The following DNHD1 variants were observed in gnomAD, a reference collection of about 807,000 sequenced individuals.
DNHD1 encodes dynein heavy chain domain 1, also known as dynein heavy chain domain-containing protein 1.
In DNHD1, 383 loss-of-function variants were observed where a neutral mutation model predicts 458.1. The ratio of observed to expected loss-of-function variants is 0.84; its 90% confidence interval spans 0.77 to 0.91. The LOEUF (loss-of-function observed/expected upper bound fraction) is 0.91, where lower values mean the gene tolerates loss of function less well. DNHD1 is among the 40% of genes least tolerant of loss of function. The probability of loss-of-function intolerance (pLI) is 0.00; values close to 1 mark genes in which losing one functional copy is unlikely to be tolerated. For synonymous variants in DNHD1, 2,203 were observed against 2,376.9 expected (o/e 0.93, Z 2.13); for missense variants, 5,336 against 5,866.1 (o/e 0.91, Z 2.95).
chr11:6,564,247 AC>A, intron 31 of DNHD1, 85 bp from the exon 32 acceptor site: 1 of 1,448,310 alleles, frequency 6.9e-7, no homozygotes. Flanking sequence ...TTTCCTCCAC[AC>A]CCCACCTTGC....
intron 7 of DNHD1, 76 bp downstream of exon 7, chr11:6,511,505 GTTT>G: frequency 6.4e-7 from 1 of 1,556,342 alleles, no homozygotes; most frequent in Non-Finnish European, 8.7e-7. Flanking sequence ...TCTTAGTTAA[GTTT>G]CTCCTGGAAT....
chr11:6,559,803 A>G (rs12270128), intron 28 of DNHD1, among the ~76,000 whole-genome samples: 9,884 of 152,278 alleles, frequency 0.065, 710 homozygotes, highest in African/African-American at 0.18. Flanking sequence ...ATACTAGACA[A>G]GAGTGTCCTG....
intron 24 of DNHD1, among the ~76,000 whole-genome samples, chr11:6,555,832 G>A (rs936918431): frequency 3.3e-5 from 5 of 152,154 alleles, no homozygotes; most frequent in Admixed American, 3.3e-4. Flanking sequence ...GGAGCATGAG[G>A]AACTTTCTAG....
chr11:6,544,450 C>A, intron 19 of DNHD1, 124 bp from the exon 20 acceptor site: 1 of 1,016,008 alleles, frequency 9.8e-7, no homozygotes, highest in Non-Finnish European at 1.4e-6. Context: ...TCCCTGAGTC[C>A]TGCTGGGCAG....
At chr11:6,511,489 G>T (rs1434322802) in intron 7 of DNHD1, 60 bp downstream of exon 7, 8 of 1,585,318 alleles carry the variant, frequency 5.0e-6, no homozygotes, top group South Asian at 2.3e-5. Context: ...CAGAGTTTCA[G>T]CCTCCTCTTA....
rs1392627896 is a variant in DNHD1, at chr11:6,498,025, C to G, written c.-191C>G. Reference sequence around the variant, plus strand: ...CTGTAGCTCCATCTATTTCCCTGTCCCAGGTCCTTTCTTCCTCCTAACCCC... The same window carrying G: ...CTGTAGCTCCATCTATTTCCCTGTCGCAGGTCCTTTCTTCCTCCTAACCCC... On this transcript the variant is annotated 5_prime_UTR_variant, in exon 3 of 43. Transcript: ENST00000254579. 6.8e-6 allele frequency: 5 copies of G among 733,914 alleles called. No individual in the cohort carries two copies. The highest frequency in any genetic ancestry group is 1.1e-5 in the Non-Finnish European group (5 of 438,788). The allele number at this position is 733,914 out of a possible 1,614,324, so 45.5% of individuals were successfully genotyped here.
At position 6,563,686 on chromosome 11, in the gene DNHD1, C is replaced by G; in HGVS notation, c.9853-7C>G. The G allele has an allele frequency of 1.3e-6, 2 of 1,543,906 alleles. No individual in the cohort carries two copies. Among genetic ancestry groups the G allele is most frequent in the Non-Finnish European group, 8.7e-7 (1 of 1,143,634 alleles). On this transcript the variant is annotated splice_region_variant and splice_polypyrimidine_tract_variant and intron_variant, in intron 30 of 42. Coordinates refer to ENST00000254579, the MANE Select transcript of DNHD1 (RefSeq NM_144666.3). Reference sequence around the variant, plus strand: ...CTTCCCCATCCCGTTAACATACATCCTTCCAGGAGCTGGTGTTCTTCCCCA... The same window carrying G: ...CTTCCCCATCCCGTTAACATACATCGTTCCAGGAGCTGGTGTTCTTCCCCA...
At chr11:6,528,374 A>G (rs886376430) in intron 10 of DNHD1, 148 bp from the exon 11 acceptor site, 1 of 937,742 alleles carries the variant, frequency 1.1e-6, no homozygotes. Context: ...ATATAGATGT[A>G]TGTGTTAACT....
Position 6,528,482 on chromosome 11 carries a change from G to T in DNHD1, c.1838-40G>T, listed in dbSNP as rs375898644. The T allele has an allele frequency of 5.2e-5, 80 of 1,525,170 alleles. 1 individual carries two copies. In the Middle Eastern group the frequency reaches 1.0e-3, roughly 19 times the overall value. The allele number at this position is 1,525,170 out of a possible 1,614,324, so 94.5% of individuals were successfully genotyped here. A position where few individuals can be genotyped will look rare whatever the true frequency, so the allele number is the denominator to read the frequency against. On this transcript the variant is annotated intron_variant, in intron 10 of 42. Coordinates refer to ENST00000254579, the MANE Select transcript of DNHD1 (RefSeq NM_144666.3). Reference sequence around the variant, plus strand: ...GAAAGGAAGATTGTTTGTGGGCTCTGGAGGGTACTCACGGACAATTATGGC... The same window carrying T: ...GAAAGGAAGATTGTTTGTGGGCTCTTGAGGGTACTCACGGACAATTATGGC...
rs759576231 is a variant in DNHD1, at chr11:6,566,324, C to A, written c.11137C>A (p.Pro3713Thr). The A allele has an allele frequency of 2.0e-5, 31 of 1,552,668 alleles. No individual in the cohort carries two copies. The highest frequency in any genetic ancestry group is 6.1e-6 in the Non-Finnish European group (7 of 1,147,682). The change falls in exon 34 of 43, where the codon CCA becomes ACA. Residue 3713 changes from proline to threonine, a missense_variant. By Grantham distance (38) the Pro-to-Thr change is conservative (BLOSUM62 -1). This residue lies in a region of DNHD1 where 695 missense variants were observed against 804.2 expected (regional missense o/e 0.86). Transcript: ENST00000254579. ...QWLLQREQLSPPQVQPGFCLY... is the reference protein window; with the variant it reads ...QWLLQREQLSTPQVQPGFCLY... ...GCTGCTGCAACGGGAGCAGCTGAGT[C>A]CACCCCAGGTGCAGCCTGGCTTCTG...
intron 28 of DNHD1, among the ~76,000 whole-genome samples, chr11:6,559,903 GT>G: frequency 6.6e-6 from 1 of 152,232 alleles, no homozygotes; most frequent in African/African-American, 2.4e-5. Flanking sequence ...GCTCTACAAT[GT>G]TTTTGAGCCG....
Position 6,534,136 on chromosome 11 carries a change from C to T in DNHD1, c.2961C>T (p.Asp987=). The T allele has an allele frequency of 6.4e-7, 1 of 1,551,296 alleles. No individual in the cohort carries two copies. The highest frequency in any genetic ancestry group is 1.2e-5 in the South Asian group (1 of 84,050). Residue 987 remains aspartate, a synonymous_variant, in exon 14 of 43, where the codon GAC becomes GAT. Transcript: ENST00000254579. The part of the protein sequence containing the change: ...LERQFQNTVS[D]LSELHHAYAI... ...GTCAGTTCCAGAACACAGTCAGCGA[C>T]CTCAGTGAACTGCACCACGCCTATG...
In DNHD1 at chr11:6,563,222, T is replaced by G; in HGVS notation, c.9669+91T>G. The G allele has an allele frequency of 1.3e-6, 2 of 1,539,024 alleles. 1 individual carries two copies. Among genetic ancestry groups the G allele is most frequent in the South Asian group, 2.4e-5 (2 of 83,340 alleles). On this transcript the variant is annotated intron_variant, in intron 29 of 42. Transcript: ENST00000254579. ...TACCAAGAGGAGAGGATGGAGTGACTCATCATGGAATCTCCTGGGGGGAGG... is the reference window on the plus strand; with the variant it reads ...TACCAAGAGGAGAGGATGGAGTGACGCATCATGGAATCTCCTGGGGGGAGG...
In DNHD1 at chr11:6,564,649, C is replaced by T. The variant is rs1266079299; in HGVS notation, c.10601C>T (p.Ala3534Val). The T allele has an allele frequency of 6.4e-7, 1 of 1,551,596 alleles. No homozygotes were observed. Among genetic ancestry groups the T allele is most frequent in the Non-Finnish European group, 8.7e-7 (1 of 1,147,000 alleles). Residue 3534 changes from alanine (A) to valine (V), a missense_variant, in exon 32 of 43, where the codon GCC becomes GTC. Ala to Val is a moderately conservative substitution (Grantham distance 64). Around this residue, in one of 4 missense-constraint regions of DNHD1, gnomAD observed 3,932 missense variants for 4,365.6 expected, o/e 0.90. Coordinates refer to ENST00000254579, the MANE Select transcript of DNHD1 (RefSeq NM_144666.3). ...DGNLKPQAKS[A>V]HLAGLLLRSP... ...AACCTGAAGCCACAGGCAAAGTCGG[C>T]CCACCTGGCAGGCTTGCTTCTGCGA...
rs146426816 is a variant in DNHD1, at chr11:6,498,310, A to G, written c.95A>G (p.Lys32Arg). ...CACTCCATATGTGTCTTGGACAGCA[A>G]AGAACAGCCCTTGGCCTGCCAGCAG... ...SWHSICVLDS[K>R]EQPLACQQKQ... The change falls in exon 3 of 43, where the codon AAA becomes AGA. Residue 32 changes from lysine to arginine, a missense_variant. Coordinates refer to ENST00000254579, the MANE Select transcript of DNHD1 (RefSeq NM_144666.3). 3.6e-5 allele frequency: 58 copies of G among 1,614,220 alleles called. No individual in the cohort carries two copies. The African/African-American group carries it at 6.1e-4, about 17-fold the overall frequency.
rs1432756004 is a variant in DNHD1, at chr11:6,566,377, C to T, written c.11190C>T (p.Leu3730=). The change falls in exon 34 of 43, where the codon CTC becomes CTT. Residue 3730 remains leucine, a synonymous_variant. Transcript: ENST00000254579. Reference sequence around the variant, plus strand: ...TGTATCTCAGCACCACCCTCTCCCTCTGTGCCATGGAAAAAGGTGAGGCCC... The same window carrying T: ...TGTATCTCAGCACCACCCTCTCCCTTTGTGCCATGGAAAAAGGTGAGGCCC... ...FCLYLSTTLS[L]CAMEKVLGCE... 2 of 1,558,820 alleles carry T rather than the reference C, an allele frequency of 1.3e-6. No individual in the cohort carries two copies. Among genetic ancestry groups the T allele is most frequent in the East Asian group, 4.8e-5 (2 of 41,372 alleles).
At chr11:6,570,515 T>C (rs1853820002) in intron 41 of DNHD1, 103 bp from the exon 42 acceptor site, 1 of 1,480,174 alleles carries the variant, frequency 6.8e-7, no homozygotes, top group African/African-American at 1.4e-5. Flanking sequence ...ATTCATACTG[T>C]TATGGGGGTG....
chr11:6,520,863 A>T, intron 10 of DNHD1: 1 of 987,862 alleles, frequency 1.0e-6, no homozygotes, highest in Non-Finnish European at 1.2e-6. Context: ...AAATGCAATC[A>T]GTCACATCTG....
Position 6,548,599 on chromosome 11 carries a change from G to A in DNHD1, c.7099-46G>A. On this transcript the variant is annotated intron_variant, in intron 23 of 42. Coordinates refer to ENST00000254579, the MANE Select transcript of DNHD1 (RefSeq NM_144666.3). This position sits in a 1 kb window ranked among gnomAD's most constrained non-coding sequence, Gnocchi z 4.4. Reference sequence around the variant, plus strand: ...GACTTTTATTTTCAGCTAGATTACTGTCTTATACTGGAGGTGCTGCAGTAA... The same window carrying A: ...GACTTTTATTTTCAGCTAGATTACTATCTTATACTGGAGGTGCTGCAGTAA... 1 of 1,547,192 alleles carries A rather than the reference G, an allele frequency of 6.5e-7. No homozygotes were observed. The highest frequency in any genetic ancestry group is 1.4e-5 in the African/African-American group (1 of 73,052).
Sources: allele counts gnomAD v4.1 joint callset (sites outside exome capture counted in the v4.1 genomes callset), GRCh38; gene constraint gnomAD v4.1.1; regional missense constraint gnomAD v4.1.1; non-coding constraint Gnocchi (gnomAD v3.1); transcripts MANE v1.5; gene names NCBI Gene and HGNC (gene_info 2026-07-23, HGNC 2026-07-21).